The following PIEZO2 variants were observed in gnomAD, a reference collection of about 807,000 sequenced individuals.
PIEZO2 encodes the protein piezo-type mechanosensitive ion channel component 2.
PIEZO2 carries 172 observed loss-of-function variants against 337.3 expected under a neutral mutation model. The observed-to-expected ratio is 0.51, with a 90% confidence interval of 0.45 to 0.58. The LOEUF (loss-of-function observed/expected upper bound fraction) is 0.58, where lower values mean the gene tolerates loss of function less well. PIEZO2 is among the 20% of genes least tolerant of loss of function. The probability of loss-of-function intolerance (pLI) is 0.00; values close to 1 mark genes in which losing one functional copy is unlikely to be tolerated. For missense variants in PIEZO2, 3,028 were observed against 3,391.3 expected, an observed-to-expected ratio of 0.89 and a Z score of 2.66; for synonymous variants, 1,251 against 1,228.5, an observed-to-expected ratio of 1.02 and a Z score of -0.38.
chr18:11,018,124 G>A (rs1387244815), intron 2 of PIEZO2, among the ~76,000 whole-genome samples: 1 of 152,006 alleles, frequency 6.6e-6, no homozygotes, highest in Non-Finnish European at 1.5e-5. Context: ...GCTTTGGGTA[G>A]TGGCCGGTCA....
intron 49 of PIEZO2, among the ~76,000 whole-genome samples, chr18:10,685,978 C>T (rs978751927): frequency 6.6e-6 from 1 of 152,238 alleles, no homozygotes; most frequent in East Asian, 1.9e-4. Flanking sequence ...ACTCTACAAT[C>T]TCCAGACCCC....
At chr18:10,755,218 G>A (rs934577979) in intron 27 of PIEZO2, among the ~76,000 whole-genome samples, 12 of 152,134 alleles carry the variant, frequency 7.9e-5, no homozygotes, top group Non-Finnish European at 1.2e-4. Flanking sequence ...CTGGAAGATC[G>A]GAAGCTGGAG....
chr18:10,793,520 A>G (rs1300151577), intron 13 of PIEZO2, among the ~76,000 whole-genome samples: 1 of 152,232 alleles, frequency 6.6e-6, no homozygotes, highest in Non-Finnish European at 1.5e-5. Context: ...TTGGCATGCA[A>G]TTTTAGCAGT....
chr18:10,759,608 G>T lies in PIEZO2; in HGVS notation c.3656-25C>A, dbSNP rs2038035422. 6.5e-7 allele frequency: 1 copy of T among 1,535,212 alleles called. No individual in the cohort carries two copies. Among genetic ancestry groups the T allele is most frequent in the Non-Finnish European group, 8.7e-7 (1 of 1,144,988 alleles). ...TCTGCAGGGAGGGAAGTGGCGAACA[G>T]CACAATCAATACTCTTCTTCACCAC... On this transcript the variant is annotated intron_variant, in intron 25 of 55. Transcript: ENST00000674853. The surrounding 1 kb of genome is among the most constrained non-coding windows in gnomAD (Gnocchi z 5.5).
At chr18:10,925,138 T>C (rs1598698383) in intron 3 of PIEZO2, among the ~76,000 whole-genome samples, 1 of 152,226 alleles carries the variant, frequency 6.6e-6, no homozygotes, top group Non-Finnish European at 1.5e-5. Flanking sequence ...CCATGATATA[T>C]AATAAAATAG....
At chr18:10,805,723 A>G (rs2039981754) in intron 8 of PIEZO2, among the ~76,000 whole-genome samples, 1 of 152,192 alleles carries the variant, frequency 6.6e-6, no homozygotes, top group South Asian at 2.1e-4. Flanking sequence ...TTACTATACA[A>G]CTGTCATCAG....
chr18:10,975,415 T>G (rs155323), intron 3 of PIEZO2, among the ~76,000 whole-genome samples: 79,565 of 151,772 alleles, frequency 0.52, 21,199 homozygotes, highest in African/African-American at 0.61. Context: ...AAAATTTACA[T>G]AGGTGTCCCC....
chr18:11,100,721 A>G lies in PIEZO2; in HGVS notation c.65-34499T>C, dbSNP rs546614127. 2.3e-4 allele frequency among the ~76,000 whole-genome samples: 35 copies of G among 151,966 alleles called. No individual in the cohort carries two copies. In the East Asian group the frequency reaches 5.2e-3, roughly 23 times the overall value. On this transcript the variant is annotated intron_variant, in intron 1 of 55. Transcript: ENST00000674853. Reference sequence around the variant, plus strand: ...CGCCATTCTCCTGCCTCAGCCTCCCAAGTAGCTGGGACTACAGGCGCCCGC... The same window carrying G: ...CGCCATTCTCCTGCCTCAGCCTCCCGAGTAGCTGGGACTACAGGCGCCCGC...
intron 1 of PIEZO2, among the ~76,000 whole-genome samples, chr18:11,113,235 T>A (rs2039787650): frequency 6.6e-6 from 1 of 152,224 alleles, no homozygotes; most frequent in Admixed American, 6.5e-5. Flanking sequence ...CCTGTGTGAC[T>A]TAGATGGGAC....
Position 11,143,653 on chromosome 18 carries a change from T to A in PIEZO2, c.64+4872A>T, listed in dbSNP as rs2040729319. ...CACACACACACACTCTCTCTCTCTC[T>A]CTCTCTCTCTCTCTCTCTCACTCTC... On this transcript the variant is annotated intron_variant, in intron 1 of 55. Coordinates refer to ENST00000674853, the MANE Select transcript of PIEZO2 (RefSeq NM_001378183.1). This position sits in a 1 kb window ranked among gnomAD's most constrained non-coding sequence, Gnocchi z 4.9. Among the ~76,000 whole-genome samples the A allele has an allele frequency of 6.7e-6, 1 of 150,208 alleles. No individual in the cohort carries two copies. The highest frequency in any genetic ancestry group is 1.5e-5 in the Non-Finnish European group (1 of 67,534).
At chr18:10,780,646 A>T (rs2038947236) in intron 17 of PIEZO2, among the ~76,000 whole-genome samples, 1 of 149,534 alleles carries the variant, frequency 6.7e-6, no homozygotes, top group African/African-American at 2.5e-5. Context: ...ACAAATTTGT[A>T]ATGTTTAAAT....
chr18:10,700,511 AC>A (rs1187164489), intron 43 of PIEZO2, among the ~76,000 whole-genome samples: 1 of 152,038 alleles, frequency 6.6e-6, no homozygotes, highest in African/African-American at 2.4e-5. Flanking sequence ...TCAATATGAA[AC>A]ACCAAGATTT....
chr18:10,733,572 C>A (rs2036874592), intron 35 of PIEZO2, among the ~76,000 whole-genome samples: 1 of 152,014 alleles, frequency 6.6e-6, no homozygotes, highest in African/African-American at 2.4e-5. Context: ...CCTCAGCCTC[C>A]CGAGTAGCTG....
Position 10,671,397 on chromosome 18 carries a change from C to A in PIEZO2, c.*130G>T. ...TTTTACTGCAGAAGGATATCAGCTC[C>A]TTTTGTCTACCTATCAGAAGAGAAA... On this transcript the variant is annotated 3_prime_UTR_variant, in exon 56 of 56. Coordinates refer to ENST00000674853, the MANE Select transcript of PIEZO2 (RefSeq NM_001378183.1). 1 of 1,013,950 alleles carries A rather than the reference C, an allele frequency of 9.9e-7. No individual in the cohort carries two copies. Among genetic ancestry groups the A allele is most frequent in the Non-Finnish European group, 1.4e-6 (1 of 723,190 alleles). 62.8% of individuals were successfully genotyped at this position (1,013,950 alleles called of 1,614,324 possible). A position where few individuals can be genotyped will look rare whatever the true frequency, so the allele number is the denominator to read the frequency against.
At chr18:10,965,791 G>A (rs1598754290) in intron 3 of PIEZO2, among the ~76,000 whole-genome samples, 3 of 152,150 alleles carry the variant, frequency 2.0e-5, no homozygotes, top group South Asian at 4.1e-4. Context: ...CAGAAATGAA[G>A]TATTTATAAA....
At position 10,854,874 on chromosome 18, in the gene PIEZO2, C is replaced by A. The variant is rs1463915078; in HGVS notation, c.917+479G>T. On this transcript the variant is annotated intron_variant, in intron 7 of 55. Transcript: ENST00000674853. The surrounding 1 kb of genome is among the most constrained non-coding windows in gnomAD (Gnocchi z 4.6). The stretch of plus-strand genomic sequence containing the variant: ...GACCACAGGTGTGCGCCCTCATGCC[C>A]AGCTAATTTTTTTTGTAGAATGGGG... Among the ~76,000 whole-genome samples, 2 of 152,114 alleles carry A rather than the reference C, an allele frequency of 1.3e-5. No individual in the cohort carries two copies. Among genetic ancestry groups the A allele is most frequent in the Non-Finnish European group, 2.9e-5 (2 of 68,008 alleles).
rs1008099124 is a variant in PIEZO2, at chr18:11,146,070, TCACA to T, written c.64+2451_64+2454del. ...CACACTTATGCACTCAAACTCACAT[TCACA>T]CAAACTGTTACACAGTCATGCACAC... On this transcript the variant is annotated intron_variant, in intron 1 of 55. Transcript: ENST00000674853. The surrounding 1 kb of genome is among the most constrained non-coding windows in gnomAD (Gnocchi z 6.1). 1.3e-5 allele frequency among the ~76,000 whole-genome samples: 2 copies of T among 152,100 alleles called. No homozygotes were observed. Among genetic ancestry groups the T allele is most frequent in the African/African-American group, 2.4e-5 (1 of 41,418 alleles).
chr18:10,917,389 A>G (rs264280), intron 3 of PIEZO2, among the ~76,000 whole-genome samples: 97,720 of 151,904 alleles, frequency 0.64, 31,638 homozygotes, highest in East Asian at 0.81. Flanking sequence ...TTGCAGTTTT[A>G]TATTTTCATG....
chr18:11,034,668 C>A (rs557665028), intron 2 of PIEZO2, among the ~76,000 whole-genome samples: 2 of 152,280 alleles, frequency 1.3e-5, no homozygotes, highest in South Asian at 4.1e-4. Context: ...CTAAAACAAA[C>A]ACGTAGGGTT....
Sources: allele counts gnomAD v4.1 joint callset (sites outside exome capture counted in the v4.1 genomes callset), GRCh38; gene constraint gnomAD v4.1.1; non-coding constraint Gnocchi (gnomAD v3.1); transcripts MANE v1.5; gene names NCBI Gene and HGNC (gene_info 2026-07-23, HGNC 2026-07-21).